VPS13D: variants seen among roughly 807,000 people sequenced by gnomAD.
VPS13D encodes the protein intermembrane lipid transfer protein VPS13D.
VPS13D carries 187 observed loss-of-function variants against 461.9 expected under a neutral mutation model. That is an observed-to-expected ratio of 0.40 (90% CI 0.36 to 0.46). The LOEUF (loss-of-function observed/expected upper bound fraction) is 0.46, where lower values mean the gene tolerates loss of function less well. VPS13D is among the 20% of genes least tolerant of loss of function. The probability of loss-of-function intolerance (pLI) is 0.60; values close to 1 mark genes in which losing one functional copy is unlikely to be tolerated. For missense variants in VPS13D, 4,711 were observed against 5,364.9 expected, an observed-to-expected ratio of 0.88 and a Z score of 3.81; for synonymous variants, 1,951 against 1,986.3, an observed-to-expected ratio of 0.98 and a Z score of 0.47.
At chr1:12,447,433 C>T (rs1645206613) in intron 65 of VPS13D, among the ~76,000 whole-genome samples, 1 of 152,112 alleles carries the variant, frequency 6.6e-6, no homozygotes, top group South Asian at 2.1e-4. Flanking sequence ...ATGAGAGGCC[C>T]CAAAGACAGT....
chr1:12,503,434 T>C (rs1283433877), intron 68 of VPS13D, among the ~76,000 whole-genome samples: 1 of 152,062 alleles, frequency 6.6e-6, no homozygotes, highest in Non-Finnish European at 1.5e-5. Context: ...TCCTCCCACC[T>C]CAGCTTCCCA....
chr1:12,408,312 T>C (rs1177718325), intron 63 of VPS13D, among the ~76,000 whole-genome samples: 2 of 152,028 alleles, frequency 1.3e-5, no homozygotes, highest in Admixed American at 1.3e-4. Context: ...GTTTTATTTA[T>C]ACCAAAGAGA....
At chr1:12,457,693 C>T (rs1645348323) in intron 66 of VPS13D, among the ~76,000 whole-genome samples, 2 of 152,124 alleles carry the variant, frequency 1.3e-5, no homozygotes, top group African/African-American at 2.4e-5. Context: ...GCTTAGGACA[C>T]GTTTAGAATA....
chr1:12,411,574 CATT>C (rs1308658321), intron 63 of VPS13D, among the ~76,000 whole-genome samples: 2 of 151,970 alleles, frequency 1.3e-5, no homozygotes, highest in African/African-American at 4.8e-5. Flanking sequence ...AGAAAGAAAA[CATT>C]AACTACTGTA....
intron 7 of VPS13D, among the ~76,000 whole-genome samples, chr1:12,254,513 CTTTTTTTTTTTTTTTT>C (rs1017635589): frequency 1.3e-4 from 10 of 78,258 alleles, no homozygotes; most frequent in East Asian, 7.9e-4. Flanking sequence ...AAATCTCAAT[CTTTTTTTTTTTTTTTT>C]TTTTTTTTTT....
At position 12,511,990 on chromosome 1, in the gene VPS13D, C is replaced by T. The variant is rs1366130763; in HGVS notation, c.*2966C>T. On this transcript the variant is annotated 3_prime_UTR_variant, in exon 70 of 70. Coordinates refer to ENST00000620676, the MANE Select transcript of VPS13D (RefSeq NM_015378.4). This position sits in a 1 kb window ranked among gnomAD's most constrained non-coding sequence, Gnocchi z 4.5. ...TGTGAAGACTCTTGAGTCTGGTTCT[C>T]ATATCAGAGTCATCATTTTTCTTCC... The T allele has an allele frequency of 6.6e-6, 1 of 152,192 alleles. No individual in the cohort carries two copies. The highest frequency in any genetic ancestry group is 2.4e-5 in the African/African-American group (1 of 41,434). The allele number at this position is 152,192 out of a possible 1,614,324, so 9.4% of individuals were successfully genotyped here.
intron 30 of VPS13D, 69 bp downstream of exon 30, chr1:12,314,396 G>A: frequency 6.7e-7 from 1 of 1,500,740 alleles, no homozygotes; most frequent in Non-Finnish European, 9.1e-7. Flanking sequence ...GTCTTTGTTG[G>A]CTTTAGAACA....
chr1:12,268,775 G>A lies in VPS13D; in HGVS notation c.1871G>A (p.Arg624Lys), dbSNP rs779137259. 1.2e-5 allele frequency: 20 copies of A among 1,613,998 alleles called. No homozygotes were observed. The highest frequency in any genetic ancestry group is 2.2e-5 in the South Asian group (2 of 91,088). ...AATCCGGCGCACAGCCACTTTGAGA[G>A]GCGGCTCAATGTCAGCACAAGGCCC... is the stretch of plus-strand genomic sequence containing the variant. ...ERNPAHSHFE[R>K]RLNVSTRPLN... is the part of the protein sequence containing the mutation. Residue 624 changes from arginine (R) to lysine (K), a missense_variant, in exon 16 of 70, where the codon AGG (arginine) becomes AAG (lysine). Around this residue, in one of 3 missense-constraint regions of VPS13D, gnomAD observed 4,411 missense variants for 4,937.8 expected, o/e 0.89. Coordinates refer to ENST00000620676, the MANE Select transcript of VPS13D (RefSeq NM_015378.4).
chr1:12,333,540 C>T (rs2101559801), intron 38 of VPS13D, among the ~76,000 whole-genome samples, 174 bp downstream of exon 38: 1 of 152,348 alleles, frequency 6.6e-6, no homozygotes, highest in South Asian at 2.1e-4. Context: ...ACCTGTTTCT[C>T]CACCGTTGGC....
intron 65 of VPS13D, among the ~76,000 whole-genome samples, chr1:12,449,769 A>ATTAC (rs1645238194): frequency 1.3e-5 from 2 of 152,216 alleles, no homozygotes; most frequent in Non-Finnish European, 2.9e-5. Flanking sequence ...AAACTTGTAA[A>ATTAC]AAGTGTTGGC....
chr1:12,395,520 G>A (rs1644483497), intron 60 of VPS13D, among the ~76,000 whole-genome samples: 1 of 152,134 alleles, frequency 6.6e-6, no homozygotes, highest in Admixed American at 6.6e-5. Flanking sequence ...TTCTCTGCAG[G>A]AGATAAGACT....
rs774751459 is a variant in VPS13D at position 12,369,448 on chromosome 1, C to T, written c.10573-19C>T. On this transcript the variant is annotated intron_variant, in intron 53 of 69. Transcript: ENST00000620676. ...ACTCTGAATGAAAGTCCTCTTTGTC[C>T]TCTCTGCCATCACTCTAGGTCCCGG... is the stretch of plus-strand genomic sequence containing the variant. The T allele has an allele frequency of 6.2e-7, 1 of 1,611,754 alleles. No individual in the cohort carries two copies. Among genetic ancestry groups the T allele is most frequent in the Admixed American group, 1.7e-5 (1 of 59,932 alleles).
At position 12,362,593 on chromosome 1, in the gene VPS13D, T is replaced by C. The variant is rs184783147; in HGVS notation, c.10142-127T>C. 46 of 925,346 alleles carry C rather than the reference T, an allele frequency of 5.0e-5. No homozygotes were observed. In the East Asian group the frequency reaches 9.2e-4, roughly 19 times the overall value. 57.3% of individuals were successfully genotyped at this position (925,346 alleles called of 1,614,324 possible). A position where few individuals can be genotyped will look rare whatever the true frequency, so the allele number is the denominator to read the frequency against. On this transcript the variant is annotated intron_variant, in intron 50 of 69. Coordinates refer to ENST00000620676, the MANE Select transcript of VPS13D (RefSeq NM_015378.4). ...TTCATTACATTCCTAGAAGGTTCAA[T>C]ATCCTCTGGGTGATACAGTTATTTT...
At chr1:12,385,973 T>C (rs1251938213) in intron 59 of VPS13D, among the ~76,000 whole-genome samples, 1 of 152,104 alleles carries the variant, frequency 6.6e-6, no homozygotes, top group Admixed American at 6.6e-5. Context: ...GGAGTTCTCG[T>C]TGGGGTGAAG....
chr1:12,442,261 TA>T (rs1259996662), intron 65 of VPS13D, among the ~76,000 whole-genome samples: 2 of 152,238 alleles, frequency 1.3e-5, no homozygotes, highest in Non-Finnish European at 2.9e-5. Flanking sequence ...TTTCAATATG[TA>T]ATCAATATGT....
At chr1:12,467,842 GC>G (rs1387521089) in intron 67 of VPS13D, among the ~76,000 whole-genome samples, 1 of 152,060 alleles carries the variant, frequency 6.6e-6, no homozygotes, top group African/African-American at 2.4e-5. Flanking sequence ...AGAAAGGAGA[GC>G]GTCTAATTTT....
intron 13 of VPS13D, among the ~76,000 whole-genome samples, 199 bp from the exon 14 acceptor site, chr1:12,266,682 T>C (rs1641277989): frequency 6.6e-6 from 1 of 152,260 alleles, no homozygotes. Flanking sequence ...CCTCACTTTA[T>C]TGCAGTGGTC....
chr1:12,465,666 T>A (rs907724503), intron 67 of VPS13D, among the ~76,000 whole-genome samples: 4 of 152,248 alleles, frequency 2.6e-5, no homozygotes, highest in Non-Finnish European at 5.9e-5. Context: ...CCAAAATCTG[T>A]TAAGACACTT....
At chr1:12,466,744 A>C (rs1645489222) in intron 67 of VPS13D, among the ~76,000 whole-genome samples, 2 of 152,220 alleles carry the variant, frequency 1.3e-5, no homozygotes, top group Non-Finnish European at 2.9e-5. Context: ...CTTTGGGCAT[A>C]TCTGTCTTTT....
Sources: gnomAD v4.1 joint callset for allele counts (sites outside exome capture counted in the v4.1 genomes callset) on GRCh38, gnomAD v4.1.1 for gene constraint, gnomAD v4.1.1 regional missense constraint, Gnocchi (gnomAD v3.1) non-coding constraint, MANE v1.5 for transcripts, NCBI Gene and HGNC (gene_info 2026-07-23, HGNC 2026-07-21) for gene names.